ZNF280D: variants seen among roughly 807,000 people sequenced by gnomAD.
ZNF280D encodes the protein suppressor of hairy wing homolog 4.
A neutral mutation model predicts 94.7 loss-of-function variants in ZNF280D; 39 were observed. The ratio of observed to expected loss-of-function variants is 0.41; its 90% CI spans 0.32 to 0.54. The LOEUF is 0.54. ZNF280D is among the 20% of genes least tolerant of loss of function. The probability of loss-of-function intolerance (pLI) is 0.22; values close to 1 mark genes in which losing one functional copy is unlikely to be tolerated. For missense variants in ZNF280D, 1,090 were observed against 1,149.3 expected (o/e 0.95, Z 0.75); for synonymous variants, 398 against 377.6 (o/e 1.05, Z -0.63).
chr15:56,720,976 G>GGC (rs1567039660), intron 1 of ZNF280D, among the ~76,000 whole-genome samples: 1 of 71,156 alleles, frequency 1.4e-5, no homozygotes, highest in Non-Finnish European at 3.3e-5. Context: ...TTTTTGGGGG[G>GGC]GGGGGGGACA....
At chr15:56,730,977 G>A (rs1318186693) in intron 1 of ZNF280D, among the ~76,000 whole-genome samples, 1 of 152,168 alleles carries the variant, frequency 6.6e-6, no homozygotes, top group Admixed American at 6.5e-5. Flanking sequence ...AATAAGACAA[G>A]CCTACTTTAT....
chr15:56,658,361 T>A lies in ZNF280D; in HGVS notation c.2057+63A>T. ...TTCTACCTCAATAAAGCTGTTGTGT[T>A]AAAAAAAATTTAAGTCATTACAATT... On this transcript the variant is annotated intron_variant, in intron 17 of 21. Transcript: ENST00000267807. 5 of 1,255,676 alleles carry A rather than the reference T, an allele frequency of 4.0e-6. No individual in the cohort carries two copies. The Admixed American group carries it at 1.1e-4, about 28-fold the overall frequency. The allele number at this position is 1,255,676 out of a possible 1,614,324, so 77.8% of individuals were successfully genotyped here. A position where few individuals can be genotyped will look rare whatever the true frequency, so the allele number is the denominator to read the frequency against.
intron 4 of ZNF280D, among the ~76,000 whole-genome samples, chr15:56,701,875 A>G (rs1162422293): frequency 5.3e-5 from 8 of 152,136 alleles, no homozygotes; most frequent in African/African-American, 1.9e-4. Context: ...CCAGAAGTCA[A>G]TCTGAGCCTG....
At chr15:56,665,508 A>C (rs2054224378) in intron 16 of ZNF280D, among the ~76,000 whole-genome samples, 1 of 152,148 alleles carries the variant, frequency 6.6e-6, no homozygotes, top group South Asian at 2.1e-4. Flanking sequence ...GAATTCCAAA[A>C]GTGGCATCAT....
chr15:56,669,085 A>G, intron 13 of ZNF280D, 128 bp from the exon 14 acceptor site: 2 of 776,764 alleles, frequency 2.6e-6, no homozygotes, highest in South Asian at 3.8e-5. Flanking sequence ...AACATCTCCT[A>G]TCATAATAAT....
intron 9 of ZNF280D, among the ~76,000 whole-genome samples, chr15:56,685,305 G>A (rs573597850): frequency 6.6e-6 from 1 of 150,826 alleles, no homozygotes; most frequent in Non-Finnish European, 1.5e-5. Context: ...TATATTTACT[G>A]TAGAAAAAGA....
At chr15:56,653,614 A>G in intron 19 of ZNF280D, 2 of 1,478,492 alleles carry the variant, frequency 1.4e-6, no homozygotes, top group Non-Finnish European at 1.8e-6. Context: ...AAAATAAGAA[A>G]AATAGCACAA....
chr15:56,666,738 T>C lies in ZNF280D; in HGVS notation c.1794A>G (p.Gln598=), dbSNP rs1171819751. 3 of 1,613,246 alleles carry C rather than the reference T, an allele frequency of 1.9e-6. No individual in the cohort carries two copies. The highest frequency in any genetic ancestry group is 2.5e-6 in the Non-Finnish European group (3 of 1,179,748). The change falls in exon 15 of 22, where the codon CAA becomes CAG. Residue 598 remains glutamine (Q), a synonymous_variant. Coordinates refer to ENST00000267807, the MANE Select transcript of ZNF280D (RefSeq NM_017661.4). ...TTTTATTGCTACTAGCCAATGTGCT[T>C]TGTTTCTTTTGCATATTAGAGATTT... The part of the protein sequence containing the change: ...KPKISNMQKK[Q]STLASSNKKS...
chr15:56,693,290 G>T, intron 6 of ZNF280D, 75 bp from the exon 7 acceptor site: 1 of 398,832 alleles, frequency 2.5e-6, no homozygotes, highest in Non-Finnish European at 4.0e-6. Context: ...TATATATTAT[G>T]TAATTTTATA....
chr15:56,682,414 C>T lies in ZNF280D; in HGVS notation c.844G>A (p.Val282Ile). ...GLAKTEFSSTVNKNTTIDSEK... is the reference protein window; with the variant it reads ...GLAKTEFSSTINKNTTIDSEK... ...GAATCAATAGTTGTGTTTTTATTTA[C>T]TGTACTTGAAAATTCTGTTTTAGCC... Residue 282 changes from valine to isoleucine, a missense_variant, in exon 10 of 22, where the codon GTA becomes ATA. Val to Ile is a conservative substitution (Grantham distance 29). Around this residue, in one of 3 missense-constraint regions of ZNF280D, gnomAD observed 386 missense variants for 372.0 expected, o/e 1.04. Transcript: ENST00000267807. The T allele has an allele frequency of 6.4e-7, 1 of 1,574,370 alleles. No individual in the cohort carries two copies. Among genetic ancestry groups the T allele is most frequent in the Non-Finnish European group, 8.6e-7 (1 of 1,166,442 alleles).
At chr15:56,731,578 C>A (rs1180477037) in intron 1 of ZNF280D, among the ~76,000 whole-genome samples, 2 of 146,374 alleles carry the variant, frequency 1.4e-5, no homozygotes, top group Non-Finnish European at 3.0e-5. Flanking sequence ...ATATATACTA[C>A]ACCACGTTAG....
chr15:56,706,047 T>C (rs555845599), intron 3 of ZNF280D, among the ~76,000 whole-genome samples: 3 of 145,464 alleles, frequency 2.1e-5, no homozygotes, highest in South Asian at 4.6e-4. Flanking sequence ...TATTTAGAGA[T>C]TGGGTCCTCA....
At chr15:56,670,112 CAT>C (rs1307196325) in intron 13 of ZNF280D, among the ~76,000 whole-genome samples, 1 of 119,792 alleles carries the variant, frequency 8.3e-6, no homozygotes, top group Non-Finnish European at 1.7e-5. Flanking sequence ...AATTATACAA[CAT>C]ATAATTATAA....
intron 19 of ZNF280D, chr15:56,652,823 T>C: frequency 1.0e-6 from 1 of 983,984 alleles, no homozygotes; most frequent in Non-Finnish European, 1.2e-6. Context: ...CTAATAATGT[T>C]TAATGGGCTT....
At chr15:56,645,911 C>A (rs1166606737) in intron 19 of ZNF280D, among the ~76,000 whole-genome samples, 2 of 152,098 alleles carry the variant, frequency 1.3e-5, no homozygotes, top group African/African-American at 2.4e-5. Flanking sequence ...GTTTCATTCA[C>A]ACTATAAACA....
chr15:56,699,325 T>C (rs2056924262), intron 6 of ZNF280D: 7 of 921,884 alleles, frequency 7.6e-6, no homozygotes, highest in South Asian at 1.0e-4. Context: ...GAAGCAAATA[T>C]AGCTCACACC....
chr15:56,685,792 C>T (rs138937450), intron 9 of ZNF280D, among the ~76,000 whole-genome samples: 1 of 152,130 alleles, frequency 6.6e-6, no homozygotes, highest in East Asian at 1.9e-4. Flanking sequence ...CATAAAGCAA[C>T]CACATTGTGA....
Position 56,704,286 on chromosome 15 carries a change from G to T in ZNF280D, c.29-19C>A, listed in dbSNP as rs780824794. 10 of 1,586,546 alleles carry T rather than the reference G, an allele frequency of 6.3e-6. No homozygotes were observed. The highest frequency in any genetic ancestry group is 1.4e-5 in the African/African-American group (1 of 73,012). ...GAATTACCTAATTTTCAAAAGGAGA[G>T]AAGTAAACCTCATTTTTGAAAATAA... On this transcript the variant is annotated intron_variant, in intron 3 of 21. Transcript: ENST00000267807.
chr15:56,712,366 C>T (rs1044936413), intron 1 of ZNF280D, among the ~76,000 whole-genome samples: 1 of 151,922 alleles, frequency 6.6e-6, no homozygotes, highest in Non-Finnish European at 1.5e-5. Context: ...TCAGGCTGGG[C>T]ATAGTGGCTC....
Sources: gnomAD v4.1 joint callset for allele counts (sites outside exome capture counted in the v4.1 genomes callset) on GRCh38, gnomAD v4.1.1 for gene constraint, gnomAD v4.1.1 regional missense constraint, MANE v1.5 for transcripts, NCBI Gene and HGNC (gene_info 2026-07-23, HGNC 2026-07-21) for gene names.